Variants in CFAP47 observed in about 807,000 individuals in gnomAD.
The protein encoded by CFAP47 is cilia and flagella associated protein 47.
CFAP47 carries 29 observed loss-of-function variants against 148.1 expected under a neutral mutation model. That is an observed-to-expected ratio of 0.20 (90% CI 0.15 to 0.27). The LOEUF is 0.27. CFAP47 is among the 10% of genes least tolerant of loss of function. The pLI, the probability that CFAP47 is intolerant of heterozygous loss-of-function variation, is 1.00. For synonymous variants in CFAP47, 664 were observed against 577.3 expected (o/e 1.15, Z -2.15); for missense variants, 1,872 against 1,697.5 (o/e 1.10, Z -1.81).
At position 36,348,254 on chromosome X, in the gene CFAP47, G is replaced by T; in HGVS notation, c.8569G>T (p.Asp2857Tyr). Residue 2857 changes from aspartate to tyrosine, a missense_variant, in exon 58 of 64, where the codon GAC becomes TAC. Transcript: ENST00000378653. Reference sequence around the variant, plus strand: ...AGCAAATGGAAAATATTGGCCTATTGACAATTTTGATGAGTTGGATATAAA... The same window carrying T: ...AGCAAATGGAAAATATTGGCCTATTTACAATTTTGATGAGTTGGATATAAA... ...TKANGKYWPI[D>Y]NFDELDIKFK... The T allele has an allele frequency of 9.7e-7, 1 of 1,035,234 alleles. No homozygotes were observed. The highest frequency in any genetic ancestry group is 2.9e-5 in the South Asian group (1 of 34,127). The allele number at this position is 1,035,234 out of a possible 1,213,427, so 85.3% of individuals were successfully genotyped here.
intron 49 of CFAP47, among the ~76,000 whole-genome samples, chrX:36,258,820 C>T (rs1940784570): frequency 8.9e-6 from 1 of 111,985 alleles, no homozygotes; most frequent in Non-Finnish European, 1.9e-5. Flanking sequence ...CTTTCTCTAT[C>T]ACCTGTTGCT....
intron 57 of CFAP47, among the ~76,000 whole-genome samples, chrX:36,345,461 T>C (rs192302813): frequency 3.0e-4 from 33 of 111,399 alleles, no homozygotes; most frequent in African/African-American, 1.1e-3. Flanking sequence ...GAGAATCTAA[T>C]GCAGCCACTG....
intron 59 of CFAP47, among the ~76,000 whole-genome samples, chrX:36,351,530 A>G (rs782566952): frequency 8.9e-6 from 1 of 111,850 alleles, no homozygotes; most frequent in South Asian, 3.7e-4. Flanking sequence ...ATCCAGATTA[A>G]AGGTCTAAAG....
intron 39 of CFAP47, among the ~76,000 whole-genome samples, chrX:36,176,832 A>C (rs1017059961): frequency 2.7e-5 from 3 of 112,452 alleles, no homozygotes; most frequent in African/African-American, 9.7e-5. Context: ...TTGAACCTGG[A>C]GGCTGAGGTT....
chrX:36,191,236 A>G (rs1199652586), intron 42 of CFAP47, among the ~76,000 whole-genome samples: 2 of 111,605 alleles, frequency 1.8e-5, no homozygotes, highest in Non-Finnish European at 3.8e-5. Context: ...AGTTTGATCA[A>G]ATACTTTACA....
rs938253456 is a variant in CFAP47, at chrX:36,361,322, T to C, written c.8852-8T>C. 3.9e-6 allele frequency: 4 copies of C among 1,025,790 alleles called. No individual in the cohort carries two copies. Among genetic ancestry groups the C allele is most frequent in the Admixed American group, 3.1e-5 (1 of 31,842 alleles). The allele number at this position is 1,025,790 out of a possible 1,213,427, so 84.5% of individuals were successfully genotyped here. On this transcript the variant is annotated splice_region_variant and splice_polypyrimidine_tract_variant and intron_variant, in intron 60 of 63. Transcript: ENST00000378653. ...AATTGAAATATATTTTCATCTTGAC[T>C]TTCCTAGAAATTCCTAAAATACATG...
chrX:36,331,095 A>T (rs1443251072), intron 57 of CFAP47, among the ~76,000 whole-genome samples: 2 of 111,489 alleles, frequency 1.8e-5, no homozygotes, highest in Non-Finnish European at 3.8e-5. Flanking sequence ...TACTTCATTG[A>T]AGACTTAATC....
chrX:36,093,118 C>T (rs1441747693), intron 30 of CFAP47, among the ~76,000 whole-genome samples: 1 of 111,298 alleles, frequency 9.0e-6, no homozygotes, highest in Non-Finnish European at 1.9e-5. Context: ...AATAGTACTC[C>T]ATTGTGTAGT....
chrX:36,087,241 C>T (rs989783659), intron 30 of CFAP47, among the ~76,000 whole-genome samples: 2 of 111,790 alleles, frequency 1.8e-5, no homozygotes, highest in Non-Finnish European at 3.8e-5. Context: ...AGAAGGTAAT[C>T]ATGAAAGTAA....
At chrX:36,052,946 G>C (rs1937527397) in intron 26 of CFAP47, among the ~76,000 whole-genome samples, 1 of 111,136 alleles carries the variant, frequency 9.0e-6, no homozygotes, top group Non-Finnish European at 1.9e-5. Context: ...TGAATGGATA[G>C]GAAACTGCAT....
intron 57 of CFAP47, among the ~76,000 whole-genome samples, chrX:36,321,138 C>G (rs1339587494): frequency 9.0e-6 from 1 of 111,481 alleles, no homozygotes; most frequent in Non-Finnish European, 1.9e-5. Flanking sequence ...AAGTGTCCAT[C>G]AACAGATGAA....
chrX:36,058,715 G>C (rs1601952719), intron 26 of CFAP47, among the ~76,000 whole-genome samples: 1 of 111,511 alleles, frequency 9.0e-6, no homozygotes, highest in South Asian at 3.7e-4. Flanking sequence ...GTTCCTAATT[G>C]ATTTATTTTG....
chrX:36,283,892 C>G (rs940434728), intron 50 of CFAP47, among the ~76,000 whole-genome samples: 1 of 111,658 alleles, frequency 9.0e-6, no homozygotes, highest in Non-Finnish European at 1.9e-5. Flanking sequence ...AACTCTGAGT[C>G]GTTCCACTGA....
chrX:36,148,386 G>T (rs1046086099), intron 36 of CFAP47, among the ~76,000 whole-genome samples: 3 of 111,766 alleles, frequency 2.7e-5, no homozygotes, highest in African/African-American at 9.8e-5. Context: ...CATGCCCAAA[G>T]GTGGGGCCTA....
chrX:36,261,876 G>T (rs782810897), intron 49 of CFAP47, among the ~76,000 whole-genome samples: 212 of 110,823 alleles, frequency 1.9e-3, no homozygotes, highest in Non-Finnish European at 2.7e-3. Flanking sequence ...GGGCAGAGGG[G>T]CGCCTCACTT....
intron 3 of CFAP47, 113 bp from the exon 4 acceptor site, chrX:35,948,201 C>A (rs749967975): frequency 2.1e-5 from 13 of 623,160 alleles, no homozygotes; most frequent in Admixed American, 1.3e-4. Flanking sequence ...GCCCATGGGC[C>A]ATGGGTTAGG....
At chrX:35,978,945 G>T (rs1453637146) in intron 15 of CFAP47, among the ~76,000 whole-genome samples, 1 of 111,495 alleles carries the variant, frequency 9.0e-6, no homozygotes, top group Non-Finnish European at 1.9e-5. Context: ...AGTGGATATT[G>T]TAAGGGGAGA....
rs201452327 is a variant in CFAP47, at chrX:35,949,140, AGT to A, written c.656+721_656+722del. 6.7e-3 allele frequency among the ~76,000 whole-genome samples: 582 copies of A among 86,299 alleles called. 4 individuals are homozygous for A. The highest frequency in any genetic ancestry group is 0.043 in the East Asian group (113 of 2,599). The allele number at this position is 86,299 out of a possible 115,157, so 74.9% of individuals were successfully genotyped here. A position where few individuals can be genotyped will look rare whatever the true frequency, so the allele number is the denominator to read the frequency against. On this transcript the variant is annotated intron_variant, in intron 4 of 63. Coordinates refer to ENST00000378653, the MANE Select transcript of CFAP47 (RefSeq NM_001304548.2). The stretch of plus-strand genomic sequence containing the variant: ...TAAAAATATCAGAATGCATCTGTGG[AGT>A]GTGTGTGTGTGTGTGTGTGTGTGTG...
At chrX:35,981,497 A>C (rs1936644082) in intron 15 of CFAP47, among the ~76,000 whole-genome samples, 1 of 109,975 alleles carries the variant, frequency 9.1e-6, no homozygotes, top group Non-Finnish European at 1.9e-5. Flanking sequence ...AGCTGGAGTG[A>C]TGATATAACA....
Sources: gnomAD v4.1 joint callset for allele counts (sites outside exome capture counted in the v4.1 genomes callset) on GRCh38, gnomAD v4.1.1 for gene constraint, MANE v1.5 for transcripts, NCBI Gene and HGNC (gene_info 2026-07-23, HGNC 2026-07-21) for gene names.